NBEA: variants seen among roughly 807,000 people sequenced by gnomAD.
The protein encoded by NBEA is neurobeachin.
Under a neutral mutation model 343.4 loss-of-function variants are expected in NBEA, and 44 were observed. The ratio of observed to expected loss-of-function variants is 0.13; its 90% CI spans 0.10 to 0.16. The LOEUF (loss-of-function observed/expected upper bound fraction) is 0.16. Among genes scored for constraint, NBEA ranks in the 10% least tolerant of loss-of-function variants. NBEA has a pLI of 1.00. For missense variants in NBEA, 2,555 were observed against 3,631.3 expected, an observed-to-expected ratio of 0.70 and a Z score of 7.62; for synonymous variants, 1,175 against 1,238.7, an observed-to-expected ratio of 0.95 and a Z score of 1.08.
chr13:35,188,547 G>A (rs529687276), intron 30 of NBEA, among the ~76,000 whole-genome samples: 176 of 152,176 alleles, frequency 1.2e-3, no homozygotes, highest in Non-Finnish European at 7.8e-4. Context: ...ATTCATCCAT[G>A]TTGTCATAAA....
At chr13:34,995,744 C>T (rs1054428374) in intron 1 of NBEA, among the ~76,000 whole-genome samples, 1 of 152,192 alleles carries the variant, frequency 6.6e-6, no homozygotes, top group Non-Finnish European at 1.5e-5. Context: ...AGTACACGCT[C>T]AAGTTTCATT....
intron 1 of NBEA, among the ~76,000 whole-genome samples, chr13:35,011,133 A>G (rs2061483699): frequency 6.6e-6 from 1 of 152,026 alleles, no homozygotes; most frequent in Admixed American, 6.6e-5. Flanking sequence ...TCCTGAGGGT[A>G]GTTCATCCAC....
Position 35,647,716 on chromosome 13 carries a change from G to A in NBEA, c.7770+1368G>A, listed in dbSNP as rs979161855. 5.9e-5 allele frequency among the ~76,000 whole-genome samples: 9 copies of A among 152,010 alleles called. 1 individual carries two copies. The highest frequency in any genetic ancestry group is 4.2e-4 in the South Asian group (2 of 4,790). On this transcript the variant is annotated intron_variant, in intron 51 of 58. Coordinates refer to ENST00000379939, the MANE Select transcript of NBEA (RefSeq NM_001385012.1). ...CGAGTAGCCGGGATTACAGGTGTGCGCCACCACCCCTGGCTAATTTTTGTA... is the reference window on the plus strand; with the variant it reads ...CGAGTAGCCGGGATTACAGGTGTGCACCACCACCCCTGGCTAATTTTTGTA...
chr13:35,672,299 T>C lies in NBEA; in HGVS notation c.*1308T>C, dbSNP rs374452. 55,703 of 152,536 alleles carry C rather than the reference T, an allele frequency of 0.37. 10,751 individuals carry two copies. The highest frequency in any genetic ancestry group is 0.51 in the Middle Eastern group (151 of 294). 9.4% of individuals were successfully genotyped at this position (152,536 alleles called of 1,614,324 possible). ...AATGTAATTTTCTCAGAATTTACAC[T>C]CACTCGCAGTCATTTATTTAAAAAG... is the stretch of plus-strand genomic sequence containing the variant. On this transcript the variant is annotated 3_prime_UTR_variant, in exon 59 of 59. Coordinates refer to ENST00000379939, the MANE Select transcript of NBEA (RefSeq NM_001385012.1).
chr13:35,571,132 G>A (rs1049772353), intron 45 of NBEA, among the ~76,000 whole-genome samples: 1 of 152,082 alleles, frequency 6.6e-6, no homozygotes, highest in Non-Finnish European at 1.5e-5. Flanking sequence ...TCTAGAATTT[G>A]TTTCAATAAA....
At chr13:35,214,965 T>A (rs1276800261) in intron 33 of NBEA, among the ~76,000 whole-genome samples, 1 of 151,708 alleles carries the variant, frequency 6.6e-6, no homozygotes, top group Non-Finnish European at 1.5e-5. Flanking sequence ...TAAAATCAAT[T>A]GACCACCTAT....
chr13:35,058,164 A>T (rs2063337658), intron 7 of NBEA, among the ~76,000 whole-genome samples: 1 of 152,106 alleles, frequency 6.6e-6, no homozygotes, highest in Non-Finnish European at 1.5e-5. Flanking sequence ...AGCAGATCTT[A>T]GTCTTATTGT....
rs759434066 is a variant in NBEA at position 35,633,621 on chromosome 13, G to A, written c.7617+5373G>A. 2.0e-5 allele frequency among the ~76,000 whole-genome samples: 3 copies of A among 151,928 alleles called. No homozygotes were observed. The East Asian group carries it at 5.9e-4, about 30-fold the overall frequency. ...TTAGTATTTGAGTGACATTAAGTCA[G>A]TCACTTGAATTTTATGTACCTGTAT... On this transcript the variant is annotated intron_variant, in intron 49 of 58. Coordinates refer to ENST00000379939, the MANE Select transcript of NBEA (RefSeq NM_001385012.1).
chr13:34,992,826 C>G (rs1360576780), intron 1 of NBEA, among the ~76,000 whole-genome samples: 1 of 144,204 alleles, frequency 6.9e-6, no homozygotes, highest in Non-Finnish European at 1.5e-5. Context: ...GCCCCCGCCA[C>G]CACACCCGGC....
At chr13:35,043,796 G>C (rs796835264) in intron 2 of NBEA, among the ~76,000 whole-genome samples, 17 of 151,774 alleles carry the variant, frequency 1.1e-4, no homozygotes, top group South Asian at 1.0e-3. Context: ...TCAAATTCCA[G>C]TTATTAATCT....
chr13:35,411,258 C>T (rs1002503898), intron 38 of NBEA, among the ~76,000 whole-genome samples: 2 of 152,122 alleles, frequency 1.3e-5, no homozygotes. Flanking sequence ...ATTTTGGCAC[C>T]CATCCAGTGG....
At chr13:35,226,489 G>A (rs972614528) in intron 33 of NBEA, among the ~76,000 whole-genome samples, 2 of 152,074 alleles carry the variant, frequency 1.3e-5, no homozygotes, top group Non-Finnish European at 2.9e-5. Flanking sequence ...ATTGTATTTA[G>A]GAGCATAAAT....
At chr13:35,150,256 T>G (rs1227426369) in intron 18 of NBEA, among the ~76,000 whole-genome samples, 1 of 152,236 alleles carries the variant, frequency 6.6e-6, no homozygotes, top group African/African-American at 2.4e-5. Context: ...AAAGTTAATG[T>G]AAGTGTACAA....
intron 30 of NBEA, among the ~76,000 whole-genome samples, chr13:35,191,550 AAT>A (rs1361950690): frequency 6.7e-6 from 1 of 148,482 alleles, no homozygotes; most frequent in Non-Finnish European, 1.5e-5. Context: ...AATGAACTTT[AAT>A]GAGGATTTAA....
Position 35,159,865 on chromosome 13 carries a change from C to T in NBEA, c.3694C>T (p.Leu1232=). 1 of 1,604,662 alleles carries T rather than the reference C, an allele frequency of 6.2e-7. No individual in the cohort carries two copies. The highest frequency in any genetic ancestry group is 8.5e-7 in the Non-Finnish European group (1 of 1,175,108). Residue 1232 remains leucine, a synonymous_variant, in exon 22 of 59, where the codon CTG becomes TTG. Coordinates refer to ENST00000379939, the MANE Select transcript of NBEA (RefSeq NM_001385012.1). ...ERDLASSTKG[L]EYAEMTATTL... Reference sequence around the variant, plus strand: ...AGACTTAGCGTCATCAACTAAGGGGCTGGAGTATGCTGAAATGACTGCTAC... The same window carrying T: ...AGACTTAGCGTCATCAACTAAGGGGTTGGAGTATGCTGAAATGACTGCTAC...
At position 35,516,471 on chromosome 13, in the gene NBEA, A is replaced by G. The variant is rs74534634; in HGVS notation, c.6586-34006A>G. Reference sequence around the variant, plus strand: ...TCATTTTCTGATTAGCAGAACTAGAATTTCCATTTTAGTTCTATAAATGGG... The same window carrying G: ...TCATTTTCTGATTAGCAGAACTAGAGTTTCCATTTTAGTTCTATAAATGGG... On this transcript the variant is annotated intron_variant, in intron 41 of 58. Coordinates refer to ENST00000379939, the MANE Select transcript of NBEA (RefSeq NM_001385012.1). 1.8e-4 allele frequency among the ~76,000 whole-genome samples: 27 copies of G among 152,260 alleles called. No homozygotes were observed. The East Asian group carries it at 5.0e-3, about 28-fold the overall frequency.
intron 44 of NBEA, among the ~76,000 whole-genome samples, chr13:35,564,668 A>C (rs1372638303): frequency 6.6e-6 from 1 of 152,148 alleles, no homozygotes; most frequent in East Asian, 1.9e-4. Flanking sequence ...TAATCTCATC[A>C]TTAGTATTAT....
chr13:35,562,312 C>A (rs9544647), intron 44 of NBEA, among the ~76,000 whole-genome samples: 1 of 151,724 alleles, frequency 6.6e-6, no homozygotes, highest in Non-Finnish European at 1.5e-5. Context: ...CCCAAATTGA[C>A]CTGATTTCTG....
intron 33 of NBEA, among the ~76,000 whole-genome samples, chr13:35,215,611 T>C (rs1052696730): frequency 6.6e-6 from 1 of 151,758 alleles, no homozygotes; most frequent in Non-Finnish European, 1.5e-5. Context: ...TTGATTTTTA[T>C]ATATTGATTT....
Sources: allele counts gnomAD v4.1 joint callset (sites outside exome capture counted in the v4.1 genomes callset), GRCh38; gene constraint gnomAD v4.1.1; transcripts MANE v1.5; gene names NCBI Gene and HGNC (gene_info 2026-07-23, HGNC 2026-07-21).